PSMC3IP: variants seen among roughly 807,000 people sequenced by gnomAD.
PSMC3IP encodes homologous-pairing protein 2 homolog.
Under a neutral mutation model 34.9 loss-of-function variants are expected in PSMC3IP, and 26 were observed. The ratio of observed to expected loss-of-function variants is 0.74; its 90% CI spans 0.55 to 1.03. PSMC3IP has a LOEUF of 1.03. Ranked by LOEUF, PSMC3IP falls within the 50% of genes least tolerant of loss-of-function variation. The pLI is 0.00. For synonymous variants in PSMC3IP, 87 were observed against 96.5 expected, an observed-to-expected ratio of 0.90 and a Z score of 0.57; for missense variants, 250 against 263.1, an observed-to-expected ratio of 0.95 and a Z score of 0.34.
chr17:42,576,502 C>T (rs567432924), intron 3 of PSMC3IP, among the ~76,000 whole-genome samples: 1 of 152,100 alleles, frequency 6.6e-6, no homozygotes, highest in South Asian at 2.1e-4. Flanking sequence ...AGAGTGGATT[C>T]AAGAATGGAA....
Position 42,572,790 on chromosome 17 carries a change from C to A in PSMC3IP, c.*178G>T, listed in dbSNP as rs1042935797. 10 of 756,218 alleles carry A rather than the reference C, an allele frequency of 1.3e-5. No homozygotes were observed. In the African/African-American group the frequency reaches 1.7e-4, roughly 13 times the overall value. The allele number at this position is 756,218 out of a possible 1,614,324, so 46.8% of individuals were successfully genotyped here. On this transcript the variant is annotated 3_prime_UTR_variant, in exon 8 of 8. Transcript: ENST00000393795. ...GAAATGGGCTGGGTCTACCCCCAGCCACCAGCCCTCATCCTCTCTACCCAG... is the reference window on the plus strand; with the variant it reads ...GAAATGGGCTGGGTCTACCCCCAGCAACCAGCCCTCATCCTCTCTACCCAG...
At chr17:42,576,774 C>G (rs2093078032) in intron 3 of PSMC3IP, 2 of 244,458 alleles carry the variant, frequency 8.2e-6, no homozygotes, top group Admixed American at 1.0e-4. Flanking sequence ...AGAAAGAAAC[C>G]AGTCCGGGGT....
chr17:42,576,798 G>A, intron 3 of PSMC3IP: 1 of 297,306 alleles, frequency 3.4e-6, no homozygotes, highest in East Asian at 9.1e-5. Flanking sequence ...GGGAAGATGA[G>A]GCATTCTACT....
rs776796256 is a variant in PSMC3IP at position 42,573,306 on chromosome 17, C to T, written c.537+5G>A. On this transcript the variant is annotated splice_donor_5th_base_variant and intron_variant, in intron 6 of 7. Coordinates refer to ENST00000393795, the MANE Select transcript of PSMC3IP (RefSeq NM_016556.4). ...GGGCCTGTCTCGGAGCTCCCACACA[C>T]TTACCATCCTCTTCCTCTTCCTCCA... 1.9e-6 allele frequency: 3 copies of T among 1,614,044 alleles called. No individual in the cohort carries two copies. The highest frequency in any genetic ancestry group is 1.3e-5 in the African/African-American group (1 of 74,932).
At chr17:42,575,901 TC>T (rs2093072402) in intron 3 of PSMC3IP, among the ~76,000 whole-genome samples, 1 of 148,990 alleles carries the variant, frequency 6.7e-6, no homozygotes, top group South Asian at 2.1e-4. Context: ...GTGCCTGTAG[TC>T]CCAGCTACTC....
At chr17:42,577,072 G>A (rs2093079815) in intron 3 of PSMC3IP, 141 bp downstream of exon 3, 37 of 1,538,106 alleles carry the variant, frequency 2.4e-5, no homozygotes, top group Middle Eastern at 1.8e-4. Flanking sequence ...AACAAGAGGA[G>A]TACACACCTT....
intron 3 of PSMC3IP, 141 bp downstream of exon 3, chr17:42,577,072 G>C: frequency 6.5e-7 from 1 of 1,538,106 alleles, no homozygotes; most frequent in Non-Finnish European, 8.7e-7. Flanking sequence ...AACAAGAGGA[G>C]TACACACCTT....
At position 42,573,198 on chromosome 17, in the gene PSMC3IP, T is replaced by G. The variant is rs752165661; in HGVS notation, c.538-32A>C. On this transcript the variant is annotated intron_variant, in intron 6 of 7. Coordinates refer to ENST00000393795, the MANE Select transcript of PSMC3IP (RefSeq NM_016556.4). ...AGAAATAAAACCACCCGTTTTCAGA[T>G]GGGCAGCACTGGGCACTGCCTGTCA... 2.5e-6 allele frequency: 4 copies of G among 1,614,186 alleles called. No individual in the cohort carries two copies. In the South Asian group the frequency reaches 4.4e-5, roughly 18 times the overall value.
chr17:42,575,312 A>T (rs185065656), intron 3 of PSMC3IP, among the ~76,000 whole-genome samples: 2 of 152,248 alleles, frequency 1.3e-5, no homozygotes, highest in Non-Finnish European at 2.9e-5. Context: ...TTTTGAAAAC[A>T]AAATTTTATT....
chr17:42,577,564 A>G lies in PSMC3IP; in HGVS notation c.35-3T>C, dbSNP rs2093083997. 5 of 1,614,020 alleles carry G rather than the reference A, an allele frequency of 3.1e-6. No homozygotes were observed. Among genetic ancestry groups the G allele is most frequent in the East Asian group, 2.2e-5 (1 of 44,876 alleles). ...GTACCTCAGGAGGATCCCGGCGGCT[A>G]CGGAGAGAAAGGCAGGGGAGGGGGC... On this transcript the variant is annotated splice_region_variant and splice_polypyrimidine_tract_variant and intron_variant, in intron 1 of 7. Coordinates refer to ENST00000393795, the MANE Select transcript of PSMC3IP (RefSeq NM_016556.4).
Position 42,572,399 on chromosome 17 carries a change from CCTTT to C in PSMC3IP, c.*565_*568del, listed in dbSNP as rs1461360894. 7 of 454,464 alleles carry C rather than the reference CCTTT, an allele frequency of 1.5e-5. No homozygotes were observed. The highest frequency in any genetic ancestry group is 4.0e-5 in the African/African-American group (2 of 49,982). The allele number at this position is 454,464 out of a possible 1,614,324, so 28.2% of individuals were successfully genotyped here. ...AATATTAACTGAGCCTCAAAATCACCCTTTCTGTCAAGCATATCTTGGCCTCTCC... is the reference window on the plus strand; with the variant it reads ...AATATTAACTGAGCCTCAAAATCACCCTGTCAAGCATATCTTGGCCTCTCC... On this transcript the variant is annotated 3_prime_UTR_variant, in exon 8 of 8. Transcript: ENST00000393795.
At chr17:42,575,537 T>G (rs2093069896) in intron 3 of PSMC3IP, among the ~76,000 whole-genome samples, 1 of 152,224 alleles carries the variant, frequency 6.6e-6, no homozygotes, top group Non-Finnish European at 1.5e-5. Context: ...CAGCCTGTTT[T>G]AGGAAAGTCA....
At position 42,573,480 on chromosome 17, in the gene PSMC3IP, G is replaced by A. The variant is rs1555626775; in HGVS notation, c.481C>T (p.Gln161Ter). The A allele has an allele frequency of 6.2e-7, 1 of 1,614,078 alleles. No individual in the cohort carries two copies. The highest frequency in any genetic ancestry group is 8.5e-7 in the Non-Finnish European group (1 of 1,180,040). ...GGTCCTACAGCCTTCCAGCTCACCT[G>A]CTCTTTCTCTTCTGGAGTCACATGA... ...TNHVTPEEKE[Q>*]VYRERQKYCK... The change falls in exon 5 of 8, where the codon CAG (glutamine) becomes TAG (stop). Residue 161 changes from glutamine (Q) to a stop codon, truncating the protein, a stop_gained and splice_region_variant. Transcript: ENST00000393795. LOFTEE classifies it high-confidence loss of function.
chr17:42,577,166 C>G, intron 3 of PSMC3IP, 47 bp downstream of exon 3: 1 of 1,613,372 alleles, frequency 6.2e-7, no homozygotes, highest in Non-Finnish European at 8.5e-7. Flanking sequence ...GTAGATTCAC[C>G]CGTTGTCGGG....
chr17:42,577,311 G>C lies in PSMC3IP; in HGVS notation c.136-9C>G, dbSNP rs977964288. 1 of 1,613,638 alleles carries C rather than the reference G, an allele frequency of 6.2e-7. No homozygotes were observed. The highest frequency in any genetic ancestry group is 1.3e-5 in the African/African-American group (1 of 74,922). On this transcript the variant is annotated splice_polypyrimidine_tract_variant and intron_variant, in intron 2 of 7. Transcript: ENST00000393795. ...AGCGTCTTCACCACCACCTGGCAGA[G>C]GAGAGAGAAGGAGCAATCAGAGGAG...
intron 4 of PSMC3IP, chr17:42,573,869 G>C (rs1183832979): frequency 6.5e-7 from 1 of 1,531,850 alleles, no homozygotes; most frequent in Non-Finnish European, 8.7e-7. Flanking sequence ...GGAAACGTGG[G>C]GACAGTGTAC....
chr17:42,572,310 T>A lies in PSMC3IP; in HGVS notation c.*658A>T, dbSNP rs1196472731. 2.2e-6 allele frequency: 1 copy of A among 452,718 alleles called. No individual in the cohort carries two copies. Among genetic ancestry groups the A allele is most frequent in the Non-Finnish European group, 4.4e-6 (1 of 225,814 alleles). The allele number at this position is 452,718 out of a possible 1,614,324, so 28.0% of individuals were successfully genotyped here. A position where few individuals can be genotyped will look rare whatever the true frequency, so the allele number is the denominator to read the frequency against. On this transcript the variant is annotated 3_prime_UTR_variant, in exon 8 of 8. Transcript: ENST00000393795. ...GGCAGAGGCAGGTATAACACAGCACTACATATTGGAAATTTTTTATTTTTC... is the reference window on the plus strand; with the variant it reads ...GGCAGAGGCAGGTATAACACAGCACAACATATTGGAAATTTTTTATTTTTC...
chr17:42,574,181 G>T lies in PSMC3IP; in HGVS notation c.255C>A (p.Asp85Glu). Residue 85 changes from aspartate (D) to glutamate (E), a missense_variant, in exon 4 of 8, where the codon GAC (aspartate) becomes GAA (glutamate). Transcript: ENST00000393795. ...CGATTTTGCCATCTAGGACTTGAAG[G>T]TCAGCATCACTCACCATGTCAAACT... ...QDQFDMVSDA[D>E]LQVLDGKIVA... The T allele has an allele frequency of 1.2e-6, 2 of 1,614,114 alleles. No homozygotes were observed. The highest frequency in any genetic ancestry group is 1.7e-6 in the Non-Finnish European group (2 of 1,180,010).
chr17:42,574,013 A>T, intron 4 of PSMC3IP, 86 bp downstream of exon 4: 1 of 1,575,770 alleles, frequency 6.3e-7, no homozygotes, highest in Non-Finnish European at 8.6e-7. Context: ...AAGATGCTGC[A>T]GTCATTGAAC....
Sources: allele counts gnomAD v4.1 joint callset (sites outside exome capture counted in the v4.1 genomes callset), GRCh38; gene constraint gnomAD v4.1.1; transcripts MANE v1.5; gene names NCBI Gene and HGNC (gene_info 2026-07-23, HGNC 2026-07-21).